Variants in CRADD observed in about 807,000 individuals in gnomAD.
CRADD encodes the protein CARD and death domain containing adaptor protein.
CRADD carries 9 observed loss-of-function variants against 15.5 expected under a neutral mutation model. The ratio of observed to expected loss-of-function variants is 0.58; its 90% confidence interval spans 0.35 to 1.01. The LOEUF is 1.01. Ranked by LOEUF, CRADD falls within the 50% of genes least tolerant of loss-of-function variation. The pLI is 0.02. For synonymous variants in CRADD, 118 were observed against 107.6 expected (o/e 1.10, Z -0.60); for missense variants, 227 against 250.3 (o/e 0.91, Z 0.63).
intron 2 of CRADD, among the ~76,000 whole-genome samples, chr12:93,808,540 A>G (rs908635694): frequency 6.6e-6 from 1 of 152,104 alleles, no homozygotes; most frequent in Non-Finnish European, 1.5e-5. Flanking sequence ...TTATTATCCC[A>G]TGAGAACATC....
At chr12:93,737,236 G>T (rs1400660717) in intron 2 of CRADD, among the ~76,000 whole-genome samples, 2 of 152,200 alleles carry the variant, frequency 1.3e-5, no homozygotes, top group Non-Finnish European at 2.9e-5. Context: ...TTACTATATT[G>T]CAAGTATGAA....
chr12:93,710,455 C>T (rs1253571583), intron 2 of CRADD, among the ~76,000 whole-genome samples: 3 of 150,446 alleles, frequency 2.0e-5, no homozygotes, highest in Non-Finnish European at 2.9e-5. Context: ...AAGCGATTCT[C>T]CTTCCTCAGC....
chr12:93,867,567 C>T (rs756428035), intron 2 of CRADD, among the ~76,000 whole-genome samples: 1 of 151,800 alleles, frequency 6.6e-6, no homozygotes, highest in African/African-American at 2.4e-5. Context: ...TGACAAAATA[C>T]TTTTGAACCA....
intron 2 of CRADD, chr12:93,849,301 G>C (rs1024092481): frequency 1.3e-5 from 2 of 152,348 alleles, no homozygotes; most frequent in Non-Finnish European, 2.9e-5. Context: ...GAGTAAAAGG[G>C]ATAGAAGTGA....
Position 93,850,173 on chromosome 12 carries a change from C to CG in CRADD, c.504dup (p.Gln169AlafsTer104), listed in dbSNP as rs769542388. On this transcript the variant is annotated frameshift_variant, in exon 3 of 3. Coordinates refer to ENST00000332896, the MANE Select transcript of CRADD (RefSeq NM_003805.5). LOFTEE classifies it high-confidence loss of function. The surrounding 1 kb of genome is among the most constrained non-coding windows in gnomAD (Gnocchi z 4.0). ...GGTGGTGGAGGCCTTCATCCGTTGG[C>CG]GGCAGCGCTTCGGGAAGCAGGCCAC... 6.2e-7 allele frequency: 1 copy of CG among 1,613,768 alleles called. No homozygotes were observed. The highest frequency in any genetic ancestry group is 1.7e-5 in the Admixed American group (1 of 59,994).
intron 2 of CRADD, among the ~76,000 whole-genome samples, chr12:93,759,716 C>T (rs186511754): frequency 1.1e-4 from 16 of 152,170 alleles, no homozygotes; most frequent in African/African-American, 1.4e-4. Flanking sequence ...CCCTTTGGTA[C>T]ACAGGTTTAC....
intron 2 of CRADD, among the ~76,000 whole-genome samples, chr12:93,710,345 CTTTTTTTT>C (rs34912218): frequency 3.1e-5 from 4 of 128,290 alleles, no homozygotes; most frequent in African/African-American, 8.8e-5. Context: ...TTTCCTTTTC[CTTTTTTTT>C]TTTTTTTTTT....
At chr12:93,728,577 G>A (rs1488376539) in intron 2 of CRADD, among the ~76,000 whole-genome samples, 3 of 151,944 alleles carry the variant, frequency 2.0e-5, no homozygotes, top group Non-Finnish European at 4.4e-5. Flanking sequence ...GACTAGTGAA[G>A]AATGAAAAAG....
rs556904576 is a variant in CRADD, at chr12:93,761,006, C to T, written c.298+81934C>T. The stretch of plus-strand genomic sequence containing the variant: ...GGCATGTGAGATAGGGAGAGGAAGC[C>T]GCTGAGGTAGGAGTCTAGCGAACAG... On this transcript the variant is annotated intron_variant, in intron 2 of 2. Transcript: ENST00000332896. Among the ~76,000 whole-genome samples the T allele has an allele frequency of 8.4e-4, 128 of 151,982 alleles. 1 individual carries two copies. The Middle Eastern group carries it at 0.02, about 24-fold the overall frequency.
chr12:93,681,866 T>G (rs1016151885), intron 2 of CRADD, among the ~76,000 whole-genome samples: 1 of 145,206 alleles, frequency 6.9e-6, no homozygotes, highest in Non-Finnish European at 1.6e-5. Context: ...GTTCTAGAGG[T>G]GTGTGTGTGT....
chr12:93,800,404 A>T (rs1335721684), intron 2 of CRADD, among the ~76,000 whole-genome samples: 1 of 151,996 alleles, frequency 6.6e-6, no homozygotes, highest in Non-Finnish European at 1.5e-5. Context: ...TTGGCAAGTG[A>T]TATGGTTTGA....
At chr12:93,709,687 A>G (rs1956026379) in intron 2 of CRADD, among the ~76,000 whole-genome samples, 1 of 152,078 alleles carries the variant, frequency 6.6e-6, no homozygotes, top group East Asian at 1.9e-4. Context: ...AGTTGATTCC[A>G]TGTCTTTGCT....
rs750362063 is a variant in CRADD, at chr12:93,700,597, A to AT, written c.298+21531dup. Among the ~76,000 whole-genome samples the AT allele has an allele frequency of 1.1e-4, 17 of 151,924 alleles. No homozygotes were observed. In the East Asian group the frequency reaches 1.9e-3, roughly 17 times the overall value. ...AGGCGCCCACCACCATGCCCGGCTA[A>AT]TTTTTTGTATTTTTAGTAGAGACGG... On this transcript the variant is annotated intron_variant, in intron 2 of 2. Transcript: ENST00000332896.
intron 2 of CRADD, among the ~76,000 whole-genome samples, chr12:93,877,126 G>A (rs1958463036): frequency 6.6e-6 from 1 of 152,178 alleles, no homozygotes; most frequent in Non-Finnish European, 1.5e-5. Context: ...TGGAGAACCA[G>A]GCAGAGACTC....
chr12:93,743,737 A>G (rs1052284437), intron 2 of CRADD, among the ~76,000 whole-genome samples: 1 of 152,130 alleles, frequency 6.6e-6, no homozygotes, highest in Admixed American at 6.5e-5. Flanking sequence ...TGGGCTCCAG[A>G]TCCTTGCTTT....
intron 2 of CRADD, among the ~76,000 whole-genome samples, chr12:93,841,550 T>G (rs1430259659): frequency 6.6e-6 from 1 of 152,216 alleles, no homozygotes; most frequent in African/African-American, 2.4e-5. Flanking sequence ...TTCAGTGTAT[T>G]TCATACTTTG....
intron 2 of CRADD, among the ~76,000 whole-genome samples, chr12:93,795,039 A>G (rs994660498): frequency 3.3e-5 from 5 of 152,110 alleles, no homozygotes; most frequent in African/African-American, 4.8e-5. Context: ...GCCACACTCT[A>G]TCTCATAGCC....
At chr12:93,805,067 T>C (rs910662186) in intron 2 of CRADD, among the ~76,000 whole-genome samples, 2 of 152,114 alleles carry the variant, frequency 1.3e-5, no homozygotes, top group African/African-American at 2.4e-5. Context: ...ATGAGTTCAG[T>C]AAGTCATTTC....
chr12:93,885,110 T>C (rs1417308391), intron 2 of CRADD, among the ~76,000 whole-genome samples: 1 of 152,166 alleles, frequency 6.6e-6, no homozygotes, highest in Admixed American at 6.5e-5. Context: ...GTTTTTCGTA[T>C]AAGGAAACTG....
Sources: allele counts gnomAD v4.1 joint callset (sites outside exome capture counted in the v4.1 genomes callset), GRCh38; gene constraint gnomAD v4.1.1; non-coding constraint Gnocchi (gnomAD v3.1); transcripts MANE v1.5; gene names NCBI Gene and HGNC (gene_info 2026-07-23, HGNC 2026-07-21).